Variants in CACNA2D3 observed in about 807,000 individuals in gnomAD.
CACNA2D3 encodes the protein calcium voltage-gated channel auxiliary subunit alpha2delta 3.
In CACNA2D3, 60 loss-of-function variants were observed where a neutral mutation model predicts 160.6. The observed-to-expected ratio is 0.37, with a 90% CI of 0.30 to 0.46. The LOEUF (loss-of-function observed/expected upper bound fraction) is 0.46, where lower values mean the gene tolerates loss of function less well. Among genes scored for constraint, CACNA2D3 ranks in the 20% least tolerant of loss-of-function variants. The pLI, the probability that CACNA2D3 is intolerant of heterozygous loss-of-function variation, is 1.00. For synonymous variants in CACNA2D3, 558 were observed against 492.9 expected, an observed-to-expected ratio of 1.13 and a Z score of -1.75; for missense variants, 1,205 against 1,365.0, an observed-to-expected ratio of 0.88 and a Z score of 1.85.
At chr3:54,982,294 A>G (rs1410329269) in intron 29 of CACNA2D3, among the ~76,000 whole-genome samples, 1 of 152,168 alleles carries the variant, frequency 6.6e-6, no homozygotes, top group African/African-American at 2.4e-5. Flanking sequence ...AACCTTCCTG[A>G]GTTGAGCCTT....
At chr3:54,657,397 T>C (rs1050736594) in intron 11 of CACNA2D3, among the ~76,000 whole-genome samples, 4 of 152,190 alleles carry the variant, frequency 2.6e-5, no homozygotes, top group African/African-American at 9.7e-5. Context: ...ACGTGAGATC[T>C]AATCTCTTAC....
At chr3:54,142,843 C>CCTATGTCTGTAACCA (rs1397188428) in intron 2 of CACNA2D3, among the ~76,000 whole-genome samples, 43 of 152,298 alleles carry the variant, frequency 2.8e-4, no homozygotes, top group African/African-American at 9.9e-4. Flanking sequence ...GACTCCAGTG[C>CCTATGTCTGTAACCA]CTATGTCTGT....
chr3:54,550,362 G>C (rs1009885474), intron 5 of CACNA2D3, among the ~76,000 whole-genome samples: 6 of 152,188 alleles, frequency 3.9e-5, no homozygotes, highest in Non-Finnish European at 7.3e-5. Flanking sequence ...GAAATAGCCT[G>C]GGCCTTCCCC....
intron 5 of CACNA2D3, among the ~76,000 whole-genome samples, chr3:54,561,865 A>G (rs1461662878): frequency 1.3e-5 from 2 of 152,244 alleles, no homozygotes; most frequent in Non-Finnish European, 2.9e-5. Flanking sequence ...TCACAGTTCC[A>G]CATGGCTGGG....
At chr3:54,129,279 C>T (rs1400785614) in intron 2 of CACNA2D3, among the ~76,000 whole-genome samples, 7 of 152,144 alleles carry the variant, frequency 4.6e-5, no homozygotes, top group South Asian at 4.1e-4. Context: ...GTGTGCATAG[C>T]CAGCACGTCT....
intron 17 of CACNA2D3, among the ~76,000 whole-genome samples, chr3:54,850,612 G>T (rs570721229): frequency 6.6e-6 from 1 of 152,268 alleles, no homozygotes; most frequent in African/African-American, 2.4e-5. Context: ...CAGCTAAATT[G>T]ATTTCCTTCC....
chr3:54,515,482 G>T (rs539009663), intron 5 of CACNA2D3, among the ~76,000 whole-genome samples: 5 of 152,292 alleles, frequency 3.3e-5, no homozygotes, highest in African/African-American at 9.6e-5. Context: ...ATTGTTAATG[G>T]CTTCCCAGGT....
In CACNA2D3 at chr3:54,122,608, C is replaced by T; in HGVS notation, c.-106C>T. 1 of 698,582 alleles carries T rather than the reference C, an allele frequency of 1.4e-6. No individual in the cohort carries two copies. The highest frequency in any genetic ancestry group is 1.7e-6 in the Non-Finnish European group (1 of 573,886). 43.3% of individuals were successfully genotyped at this position (698,582 alleles called of 1,614,324 possible). On this transcript the variant is annotated 5_prime_UTR_variant, in exon 1 of 38. Transcript: ENST00000474759. ...CGCGCGAGAGGCAGGCGGGGCGGCG[C>T]GGAGCGGAGCAGGCAGCCCCGCGCG... is the stretch of plus-strand genomic sequence containing the variant.
intron 16 of CACNA2D3, among the ~76,000 whole-genome samples, chr3:54,843,095 G>T (rs1329497120): frequency 1.3e-5 from 2 of 151,474 alleles, no homozygotes; most frequent in Non-Finnish European, 2.9e-5. Flanking sequence ...CCGAGTAGCT[G>T]GGATTACAGG....
Position 54,141,399 on chromosome 3 carries a change from G to A in CACNA2D3, c.204+17805G>A, listed in dbSNP as rs111925427. ...CTTGTTTATTGCAATAGTGACTTAA[G>A]CCTCCCAACCAACCTGTCCAAAACC... On this transcript the variant is annotated intron_variant, in intron 2 of 37. Coordinates refer to ENST00000474759, the MANE Select transcript of CACNA2D3 (RefSeq NM_018398.3). Among the ~76,000 whole-genome samples, 378 of 152,196 alleles carry A rather than the reference G, an allele frequency of 2.5e-3. 2 individuals are homozygous for A. The highest frequency in any genetic ancestry group is 8.8e-3 in the African/African-American group (364 of 41,532).
intron 27 of CACNA2D3, among the ~76,000 whole-genome samples, chr3:54,948,622 A>G (rs942470295): frequency 1.3e-5 from 2 of 152,178 alleles, no homozygotes; most frequent in African/African-American, 4.8e-5. Context: ...GACTCCTTGG[A>G]AGGAATACTA....
intron 31 of CACNA2D3, among the ~76,000 whole-genome samples, chr3:54,992,703 G>A (rs965088215): frequency 1.3e-5 from 2 of 151,618 alleles, no homozygotes; most frequent in Non-Finnish European, 2.9e-5. Context: ...GATGGGAGGG[G>A]CCCCCACCTT....
chr3:54,898,217 C>A (rs1700242204), intron 26 of CACNA2D3, among the ~76,000 whole-genome samples: 1 of 145,010 alleles, frequency 6.9e-6, no homozygotes, highest in South Asian at 2.2e-4. Context: ...CTCTTCTCCG[C>A]CCCACCCCGT....
intron 2 of CACNA2D3, among the ~76,000 whole-genome samples, chr3:54,129,359 G>T (rs1208623642): frequency 6.6e-6 from 1 of 152,136 alleles, no homozygotes; most frequent in Non-Finnish European, 1.5e-5. Flanking sequence ...CTAATAAATG[G>T]TAAACATTTC....
At position 54,894,808 on chromosome 3, in the gene CACNA2D3, C is replaced by A. The variant is rs145327656; in HGVS notation, c.2247-1941C>A. 556 of 388,078 alleles carry A rather than the reference C, an allele frequency of 1.4e-3. 6 individuals are homozygous for A. The highest frequency in any genetic ancestry group is 0.011 in the African/African-American group (524 of 47,910). 24.0% of individuals were successfully genotyped at this position (388,078 alleles called of 1,614,324 possible). A position where few individuals can be genotyped will look rare whatever the true frequency, so the allele number is the denominator to read the frequency against. ...TTTCAGTATTCCTGAAGCCTGATGACTTTTAGATTAGGAAACATTACCACT... is the reference window on the plus strand; with the variant it reads ...TTTCAGTATTCCTGAAGCCTGATGAATTTTAGATTAGGAAACATTACCACT... On this transcript the variant is annotated intron_variant, in intron 25 of 37. Coordinates refer to ENST00000474759, the MANE Select transcript of CACNA2D3 (RefSeq NM_018398.3).
At chr3:54,675,377 G>T (rs1212306162) in intron 11 of CACNA2D3, among the ~76,000 whole-genome samples, 2 of 152,322 alleles carry the variant, frequency 1.3e-5, no homozygotes, top group African/African-American at 4.8e-5. Context: ...GACAACAAAG[G>T]AACGGCTGGA....
At chr3:54,827,647 A>G (rs569253366) in intron 14 of CACNA2D3, among the ~76,000 whole-genome samples, 1 of 152,170 alleles carries the variant, frequency 6.6e-6, no homozygotes, top group Non-Finnish European at 1.5e-5. Context: ...TACAGGCAAA[A>G]TACACAAAGA....
At chr3:55,022,469 A>T (rs1237759687) in intron 35 of CACNA2D3, among the ~76,000 whole-genome samples, 4 of 151,976 alleles carry the variant, frequency 2.6e-5, no homozygotes, top group Non-Finnish European at 5.9e-5. Context: ...ACAAGTTTGG[A>T]GTATTTCTAC....
At chr3:54,515,105 G>T (rs1701526512) in intron 5 of CACNA2D3, among the ~76,000 whole-genome samples, 1 of 151,688 alleles carries the variant, frequency 6.6e-6, no homozygotes, top group South Asian at 2.1e-4. Flanking sequence ...CAAGAGAAAG[G>T]TCCCAAAGGT....
Sources: allele counts gnomAD v4.1 joint callset (sites outside exome capture counted in the v4.1 genomes callset), GRCh38; gene constraint gnomAD v4.1.1; transcripts MANE v1.5; gene names NCBI Gene and HGNC (gene_info 2026-07-23, HGNC 2026-07-21).